The following LRRTM4 variants were observed in gnomAD, a reference collection of about 807,000 sequenced individuals.
LRRTM4 encodes leucine-rich repeat transmembrane neuronal protein 4.
In LRRTM4, 25 loss-of-function variants were observed where a neutral mutation model predicts 47.6. The observed-to-expected ratio is 0.53, with a 90% CI of 0.38 to 0.73. The LOEUF (loss-of-function observed/expected upper bound fraction) is 0.73. LRRTM4 is among the 30% of genes least tolerant of loss of function. The probability of loss-of-function intolerance (pLI) is 0.00; values close to 1 mark genes in which losing one functional copy is unlikely to be tolerated. For missense variants in LRRTM4, 638 were observed against 713.4 expected, an observed-to-expected ratio of 0.89 and a Z score of 1.20; for synonymous variants, 311 against 269.5, an observed-to-expected ratio of 1.15 and a Z score of -1.51.
intron 3 of LRRTM4, among the ~76,000 whole-genome samples, chr2:76,970,075 C>T (rs917802693): frequency 1.3e-5 from 2 of 151,876 alleles, no homozygotes; most frequent in South Asian, 2.1e-4. Context: ...ACTTGTTCAT[C>T]GTCACTCAAC....
chr2:76,891,002 T>C (rs538081619), intron 3 of LRRTM4, among the ~76,000 whole-genome samples: 29 of 151,922 alleles, frequency 1.9e-4, no homozygotes, highest in African/African-American at 6.7e-4. Context: ...AGAGGAATGA[T>C]TCCTGACATG....
At chr2:77,240,385 T>C (rs1490247185) in intron 3 of LRRTM4, among the ~76,000 whole-genome samples, 1 of 151,968 alleles carries the variant, frequency 6.6e-6, no homozygotes, top group African/African-American at 2.4e-5. Flanking sequence ...ATTTTAAGTA[T>C]TTGCTGAAGA....
chr2:77,238,806 A>T (rs1675181797), intron 3 of LRRTM4, among the ~76,000 whole-genome samples: 1 of 151,974 alleles, frequency 6.6e-6, no homozygotes, highest in African/African-American at 2.4e-5. Context: ...GGCATTATTA[A>T]AGTATTGAAA....
At chr2:77,389,393 G>A (rs1208925914) in intron 3 of LRRTM4, among the ~76,000 whole-genome samples, 11 of 151,988 alleles carry the variant, frequency 7.2e-5, no homozygotes, top group Non-Finnish European at 1.3e-4. Flanking sequence ...CAAAGATAAA[G>A]CTAAATAAGT....
At chr2:76,855,931 A>G (rs1291257597) in intron 3 of LRRTM4, among the ~76,000 whole-genome samples, 4 of 152,192 alleles carry the variant, frequency 2.6e-5, no homozygotes, top group East Asian at 1.9e-4. Context: ...AAAATAAACA[A>G]TTTACAGAAA....
At chr2:76,801,918 A>G (rs1675712049) in intron 3 of LRRTM4, among the ~76,000 whole-genome samples, 1 of 152,192 alleles carries the variant, frequency 6.6e-6, no homozygotes, top group Admixed American at 6.6e-5. Context: ...ACAAAATTCA[A>G]CATCTTTTCA....
At chr2:76,986,203 G>A (rs1676788788) in intron 3 of LRRTM4, among the ~76,000 whole-genome samples, 1 of 149,970 alleles carries the variant, frequency 6.7e-6, no homozygotes, top group African/African-American at 2.5e-5. Context: ...TGTTTGACTT[G>A]AACTTCTGAA....
intron 3 of LRRTM4, among the ~76,000 whole-genome samples, chr2:77,325,083 T>C (rs1361791727): frequency 6.6e-6 from 1 of 152,150 alleles, no homozygotes; most frequent in African/African-American, 2.4e-5. Flanking sequence ...ATTTCTCCTT[T>C]CTGCAGAGAA....
At chr2:77,167,399 C>T (rs367875248) in intron 3 of LRRTM4, among the ~76,000 whole-genome samples, 8 of 152,270 alleles carry the variant, frequency 5.3e-5, no homozygotes, top group African/African-American at 1.9e-4. Flanking sequence ...TGTGGAGATT[C>T]GTCAAGGATC....
In LRRTM4 at chr2:76,999,602, C is replaced by T. The variant is rs934511151; in HGVS notation, c.1552-250686G>A. 4.6e-5 allele frequency among the ~76,000 whole-genome samples: 7 copies of T among 152,090 alleles called. No homozygotes were observed. In the East Asian group the frequency reaches 1.2e-3, roughly 25 times the overall value. ...ATCATGACAGGAATAGAAGGGCATGCGAAATTTCTCCAGCTTTTCTACCTT... is the reference window on the plus strand; with the variant it reads ...ATCATGACAGGAATAGAAGGGCATGTGAAATTTCTCCAGCTTTTCTACCTT... On this transcript the variant is annotated intron_variant, in intron 3 of 3. Coordinates refer to ENST00000409884, the MANE Select transcript of LRRTM4 (RefSeq NM_001134745.3).
At chr2:77,144,432 A>G (rs1314825098) in intron 3 of LRRTM4, among the ~76,000 whole-genome samples, 6 of 151,950 alleles carry the variant, frequency 3.9e-5, no homozygotes, top group Admixed American at 3.3e-4. Flanking sequence ...AAAAAAAAAA[A>G]GTGGGGTCAA....
At chr2:77,481,959 G>A (rs1440270808) in intron 3 of LRRTM4, among the ~76,000 whole-genome samples, 2 of 151,148 alleles carry the variant, frequency 1.3e-5, no homozygotes, top group East Asian at 1.9e-4. Context: ...CAGCAGGCAC[G>A]GATTGCTTTA....
At chr2:77,325,118 T>C (rs1038446817) in intron 3 of LRRTM4, among the ~76,000 whole-genome samples, 4 of 152,116 alleles carry the variant, frequency 2.6e-5, no homozygotes, top group Admixed American at 6.6e-5. Flanking sequence ...TTAGAAGTGA[T>C]ATACCACTCT....
chr2:77,220,342 C>T (rs774712009), intron 3 of LRRTM4, among the ~76,000 whole-genome samples: 1 of 152,146 alleles, frequency 6.6e-6, no homozygotes, highest in African/African-American at 2.4e-5. Context: ...AGCAACGGAA[C>T]AAAGCTGGAC....
intron 3 of LRRTM4, among the ~76,000 whole-genome samples, chr2:77,239,746 G>A (rs762108774): frequency 2.4e-4 from 37 of 151,812 alleles, no homozygotes; most frequent in Non-Finnish European, 4.6e-4. Context: ...CCTAATAGTA[G>A]TGCTTTGAAT....
chr2:77,068,439 A>C (rs771035188), intron 3 of LRRTM4, among the ~76,000 whole-genome samples: 1 of 152,152 alleles, frequency 6.6e-6, no homozygotes, highest in Non-Finnish European at 1.5e-5. Context: ...GAAACCTAGA[A>C]ACTGCTAGCA....
chr2:77,126,351 G>GAA (rs1671652549), intron 3 of LRRTM4, among the ~76,000 whole-genome samples: 1 of 152,002 alleles, frequency 6.6e-6, no homozygotes, highest in African/African-American at 2.4e-5. Flanking sequence ...AATATATACA[G>GAA]GAATTTCATG....
intron 3 of LRRTM4, among the ~76,000 whole-genome samples, chr2:76,834,205 TA>T (rs1465862212): frequency 1.6e-5 from 2 of 121,644 alleles, no homozygotes; most frequent in Admixed American, 9.2e-5. Context: ...CATGCCAAGC[TA>T]ATTTTTTTTT....
chr2:76,803,906 A>G (rs907258048), intron 3 of LRRTM4, among the ~76,000 whole-genome samples: 6 of 152,166 alleles, frequency 3.9e-5, no homozygotes, highest in African/African-American at 1.4e-4. Context: ...GATAGAGGGT[A>G]CCTACATGAC....
Sources: gnomAD v4.1 joint callset for allele counts (sites outside exome capture counted in the v4.1 genomes callset) on GRCh38, gnomAD v4.1.1 for gene constraint, MANE v1.5 for transcripts, NCBI Gene and HGNC (gene_info 2026-07-23, HGNC 2026-07-21) for gene names.